Variants in ANKS1B observed in about 807,000 individuals in gnomAD.
ANKS1B encodes ankyrin repeat and sterile alpha motif domain-containing protein 1B.
In ANKS1B, 36 loss-of-function variants were observed where a neutral mutation model predicts 148.3. That is an observed-to-expected ratio of 0.24 (90% confidence interval 0.19 to 0.32). The LOEUF (loss-of-function observed/expected upper bound fraction) is 0.32, where lower values mean the gene tolerates loss of function less well. Ranked by LOEUF, ANKS1B falls within the 10% of genes least tolerant of loss-of-function variation. The probability of loss-of-function intolerance (pLI) is 1.00; values close to 1 mark genes in which losing one functional copy is unlikely to be tolerated. For missense variants in ANKS1B, 1,157 were observed against 1,542.6 expected, an observed-to-expected ratio of 0.75 and a Z score of 4.19; for synonymous variants, 542 against 560.8, an observed-to-expected ratio of 0.97 and a Z score of 0.47.
intron 14 of ANKS1B, among the ~76,000 whole-genome samples, chr12:99,157,946 G>C (rs1283969233): frequency 6.6e-6 from 1 of 152,104 alleles, no homozygotes; most frequent in Non-Finnish European, 1.5e-5. Flanking sequence ...TAGACTGCCT[G>C]AATTTTATTC....
At chr12:99,899,392 T>C (rs992450523) in intron 1 of ANKS1B, among the ~76,000 whole-genome samples, 5 of 152,218 alleles carry the variant, frequency 3.3e-5, no homozygotes, top group African/African-American at 4.8e-5. Flanking sequence ...GCCTGTCTCC[T>C]AAATTTAGTG....
At chr12:99,978,685 T>C (rs1232850670) in intron 1 of ANKS1B, among the ~76,000 whole-genome samples, 1 of 152,198 alleles carries the variant, frequency 6.6e-6, no homozygotes, top group East Asian at 1.9e-4. Flanking sequence ...CAGTACTTCC[T>C]AGTTGTCTGT....
chr12:99,331,265 A>G (rs1202694546), intron 12 of ANKS1B, among the ~76,000 whole-genome samples: 1 of 151,942 alleles, frequency 6.6e-6, no homozygotes, highest in Non-Finnish European at 1.5e-5. Context: ...CTAAAAAAAG[A>G]AACAGTACTC....
At chr12:99,361,033 C>A (rs187527827) in intron 12 of ANKS1B, among the ~76,000 whole-genome samples, 2 of 152,046 alleles carry the variant, frequency 1.3e-5, no homozygotes, top group East Asian at 3.9e-4. Flanking sequence ...ATGAAGAAGA[C>A]CTACTATTTG....
chr12:99,059,116 C>T (rs963920774), intron 16 of ANKS1B, among the ~76,000 whole-genome samples: 1 of 152,008 alleles, frequency 6.6e-6, no homozygotes, highest in Non-Finnish European at 1.5e-5. Context: ...ATTATTCCAC[C>T]GAAAAATCAT....
chr12:98,867,444 G>C (rs2099630402), intron 17 of ANKS1B, among the ~76,000 whole-genome samples: 1 of 152,218 alleles, frequency 6.6e-6, no homozygotes, highest in Admixed American at 6.5e-5. Flanking sequence ...ATCCTACAGA[G>C]AGGAAAGAGC....
rs914283772 is a variant in ANKS1B, at chr12:99,753,718, C to T, written c.1128+19204G>A. Among the ~76,000 whole-genome samples, 5 of 151,980 alleles carry T rather than the reference C, an allele frequency of 3.3e-5. No individual in the cohort carries two copies. In the East Asian group the frequency reaches 7.8e-4, roughly 24 times the overall value. On this transcript the variant is annotated intron_variant, in intron 8 of 26. Coordinates refer to ENST00000683438, the MANE Select transcript of ANKS1B (RefSeq NM_001352186.2). ...CCTTAAATGTAAATAAGCTAAATAC[C>T]ACAATTAAAAGACACAAAGTAGGGT... is the stretch of plus-strand genomic sequence containing the variant.
At chr12:99,022,274 G>A (rs2099946253) in intron 17 of ANKS1B, among the ~76,000 whole-genome samples, 1 of 152,168 alleles carries the variant, frequency 6.6e-6, no homozygotes, top group African/African-American at 2.4e-5. Flanking sequence ...TTACCAGCTG[G>A]TTGGAGAGGA....
intron 4 of ANKS1B, among the ~76,000 whole-genome samples, chr12:99,782,796 T>C (rs376417909): frequency 2.4e-4 from 37 of 152,306 alleles, no homozygotes; most frequent in African/African-American, 8.9e-4. Flanking sequence ...TATATTCACA[T>C]TCTATTTGAA....
At chr12:99,968,592 T>TCAAG (rs201924585) in intron 1 of ANKS1B, among the ~76,000 whole-genome samples, 26 of 151,724 alleles carry the variant, frequency 1.7e-4, no homozygotes, top group African/African-American at 6.0e-4. Context: ...AATCAATCAA[T>TCAAG]GCTGTGGTGA....
chr12:99,043,111 T>C (rs948105811), intron 17 of ANKS1B, among the ~76,000 whole-genome samples: 2 of 152,224 alleles, frequency 1.3e-5, no homozygotes, highest in African/African-American at 4.8e-5. Context: ...ACTTATATTT[T>C]TATCCCCACA....
intron 17 of ANKS1B, among the ~76,000 whole-genome samples, chr12:98,949,180 C>T (rs1274247159): frequency 1.3e-5 from 2 of 151,926 alleles, no homozygotes; most frequent in African/African-American, 2.4e-5. Context: ...TCTCGATCTC[C>T]TGACCTCGTG....
intron 9 of ANKS1B, among the ~76,000 whole-genome samples, chr12:99,539,108 G>C (rs915365532): frequency 1.3e-5 from 2 of 152,062 alleles, no homozygotes; most frequent in African/African-American, 4.8e-5. Context: ...ATGAATGATA[G>C]AAATACTAAA....
intron 14 of ANKS1B, among the ~76,000 whole-genome samples, chr12:99,181,590 C>A (rs1192865227): frequency 6.6e-6 from 1 of 151,996 alleles, no homozygotes; most frequent in Non-Finnish European, 1.5e-5. Context: ...CATATTCAAA[C>A]AAATTTAATT....
chr12:99,396,364 T>C (rs77643325), intron 12 of ANKS1B, among the ~76,000 whole-genome samples: 144 of 152,306 alleles, frequency 9.5e-4, no homozygotes, highest in African/African-American at 3.4e-3. Flanking sequence ...ATGCTACTTT[T>C]GCAAGTACAA....
At chr12:99,718,560 G>A (rs1400092224) in intron 8 of ANKS1B, among the ~76,000 whole-genome samples, 2 of 152,290 alleles carry the variant, frequency 1.3e-5, no homozygotes, top group African/African-American at 4.8e-5. Context: ...GGCTTTTAAA[G>A]CCTATAAACT....
At chr12:98,969,229 A>G (rs2099881163) in intron 17 of ANKS1B, among the ~76,000 whole-genome samples, 1 of 152,206 alleles carries the variant, frequency 6.6e-6, no homozygotes, top group African/African-American at 2.4e-5. Flanking sequence ...TCAAGTAGGA[A>G]ATGACAGAAA....
chr12:99,460,423 A>C (rs1253761334), intron 10 of ANKS1B, among the ~76,000 whole-genome samples: 2 of 152,174 alleles, frequency 1.3e-5, no homozygotes, highest in African/African-American at 2.4e-5. Context: ...ATGGGACTTA[A>C]TTAAACTAAA....
downstream of ANKS1B, among the ~76,000 whole-genome samples, chr12:98,742,324 A>G (rs1346525301): frequency 6.6e-6 from 1 of 152,000 alleles, no homozygotes; most frequent in Non-Finnish European, 1.5e-5. Flanking sequence ...CTACTCTTGG[A>G]AAGTTAAATG....
Sources: allele counts gnomAD v4.1 joint callset (sites outside exome capture counted in the v4.1 genomes callset), GRCh38; gene constraint gnomAD v4.1.1; transcripts MANE v1.5; gene names NCBI Gene and HGNC (gene_info 2026-07-23, HGNC 2026-07-21).